The following MED13 variants were observed in gnomAD, a reference collection of about 807,000 sequenced individuals.
The protein encoded by MED13 is mediator complex subunit 13.
MED13 carries 23 observed loss-of-function variants against 225.2 expected under a neutral mutation model. That is an observed-to-expected ratio of 0.10 (90% CI 0.07 to 0.14). The LOEUF (loss-of-function observed/expected upper bound fraction) is 0.14. Among genes scored for constraint, MED13 ranks in the 10% least tolerant of loss-of-function variants. MED13 has a pLI of 1.00. For synonymous variants in MED13, 942 were observed against 889.2 expected, an observed-to-expected ratio of 1.06 and a Z score of -1.06; for missense variants, 2,197 against 2,594.5, an observed-to-expected ratio of 0.85 and a Z score of 3.33.
intron 3 of MED13, among the ~76,000 whole-genome samples, chr17:62,042,109 T>C (rs2080857562): frequency 6.6e-6 from 1 of 152,188 alleles, no homozygotes; most frequent in Admixed American, 6.5e-5. Flanking sequence ...AACTTTTAAA[T>C]TTTTAAATTT....
At chr17:61,975,608 A>C (rs576580701) in intron 16 of MED13, among the ~76,000 whole-genome samples, 4 of 152,262 alleles carry the variant, frequency 2.6e-5, no homozygotes, top group Admixed American at 1.3e-4. Flanking sequence ...AATCCCAGCT[A>C]TCAGGGAGGC....
At chr17:62,047,874 G>A (rs2080912325) in intron 3 of MED13, among the ~76,000 whole-genome samples, 1 of 151,666 alleles carries the variant, frequency 6.6e-6, no homozygotes, top group Non-Finnish European at 1.5e-5. Context: ...ACAGGTGTGA[G>A]CCTATATTTT....
chr17:61,971,026 A>G (rs1277989966), intron 17 of MED13, among the ~76,000 whole-genome samples: 1 of 151,894 alleles, frequency 6.6e-6, no homozygotes, highest in Non-Finnish European at 1.5e-5. Context: ...CTCAAAAATA[A>G]TAATAATAAA....
chr17:62,056,134 G>A (rs2080994823), intron 2 of MED13, among the ~76,000 whole-genome samples: 1 of 152,130 alleles, frequency 6.6e-6, no homozygotes, highest in Non-Finnish European at 1.5e-5. Context: ...TCCTAATAAC[G>A]CTCAATAAAG....
intron 17 of MED13, among the ~76,000 whole-genome samples, chr17:61,971,910 G>A (rs2080113333): frequency 1.3e-5 from 2 of 152,028 alleles, no homozygotes; most frequent in Admixed American, 1.3e-4. Flanking sequence ...CTCCAGCCTG[G>A]GCGACAAAGC....
intron 8 of MED13, among the ~76,000 whole-genome samples, chr17:62,012,724 C>T (rs116760266): frequency 6.6e-6 from 1 of 152,060 alleles, no homozygotes; most frequent in Non-Finnish European, 1.5e-5. Flanking sequence ...TGAATCAGAG[C>T]TATCCAGAAA....
At chr17:62,008,015 T>TAAAAAA (rs2080468431) in intron 9 of MED13, among the ~76,000 whole-genome samples, 7 of 44,248 alleles carry the variant, frequency 1.6e-4, no homozygotes, top group African/African-American at 1.5e-4. Context: ...CGAGACTGTC[T>TAAAAAA]CAAAAAAAAA....
chr17:62,055,080 G>T (rs1349378576), intron 2 of MED13, among the ~76,000 whole-genome samples: 2 of 152,222 alleles, frequency 1.3e-5, no homozygotes, highest in Non-Finnish European at 2.9e-5. Flanking sequence ...GAAGCCAGGT[G>T]TGGTGGCTCA....
At chr17:62,042,732 C>T (rs1212042769) in intron 3 of MED13, among the ~76,000 whole-genome samples, 3 of 152,018 alleles carry the variant, frequency 2.0e-5, no homozygotes, top group African/African-American at 4.8e-5. Context: ...GGAGACATAT[C>T]GGTCTATAGG....
intron 3 of MED13, among the ~76,000 whole-genome samples, chr17:62,041,885 C>T (rs9916776): frequency 0.021 from 3,134 of 152,230 alleles, 105 homozygotes; most frequent in African/African-American, 0.071. Flanking sequence ...GCCCAGCCTC[C>T]CCTAGCCATC....
At chr17:62,059,715 A>G (rs1203225105) in intron 2 of MED13, among the ~76,000 whole-genome samples, 1 of 152,230 alleles carries the variant, frequency 6.6e-6, no homozygotes, top group East Asian at 1.9e-4. Flanking sequence ...AATTACCCCA[A>G]GAGGGAGGTA....
chr17:61,973,931 C>T (rs138179763), intron 16 of MED13, among the ~76,000 whole-genome samples: 4 of 151,816 alleles, frequency 2.6e-5, no homozygotes, highest in Admixed American at 1.3e-4. Context: ...TGCAGTGAGC[C>T]GAGATCATGG....
At chr17:61,966,868 AATTC>A (rs996939648) in intron 18 of MED13, among the ~76,000 whole-genome samples, 7 of 152,168 alleles carry the variant, frequency 4.6e-5, no homozygotes, top group African/African-American at 1.4e-4. Flanking sequence ...TTACATTAGA[AATTC>A]ATTAATTTTT....
chr17:61,986,325 G>A (rs1166614591), intron 12 of MED13, among the ~76,000 whole-genome samples: 1 of 152,062 alleles, frequency 6.6e-6, no homozygotes, highest in African/African-American at 2.4e-5. Context: ...TATAGGAAAG[G>A]AAAGATCAAA....
intron 8 of MED13, among the ~76,000 whole-genome samples, chr17:62,023,216 T>C (rs2080666839): frequency 1.3e-5 from 2 of 152,110 alleles, no homozygotes; most frequent in Admixed American, 6.6e-5. Flanking sequence ...AGTTATGAAT[T>C]TTTTTTCTTC....
intron 8 of MED13, 31 bp downstream of exon 8, chr17:62,029,510 A>G (rs756541894): frequency 6.6e-7 from 1 of 1,511,014 alleles, no homozygotes; most frequent in Admixed American, 1.7e-5. Context: ...ACTATCACAC[A>G]TAGGCATCAA....
At chr17:62,015,096 G>C (rs950030757) in intron 8 of MED13, among the ~76,000 whole-genome samples, 1 of 152,094 alleles carries the variant, frequency 6.6e-6, no homozygotes, top group African/African-American at 2.4e-5. Context: ...TAAAAGGAGA[G>C]ATTTAGAAAA....
intron 18 of MED13, among the ~76,000 whole-genome samples, chr17:61,967,182 TAGAAG>T (rs2080066010): frequency 6.6e-6 from 1 of 152,172 alleles, no homozygotes; most frequent in South Asian, 2.1e-4. Flanking sequence ...TAAGCAAACT[TAGAAG>T]AGTTCTTTAC....
chr17:61,984,937 G>T, intron 13 of MED13, 63 bp downstream of exon 13: 1 of 1,592,736 alleles, frequency 6.3e-7, no homozygotes, highest in Admixed American at 1.7e-5. Flanking sequence ...CAAAAGGAGT[G>T]GGGAGCTTTG....
Sources: allele counts gnomAD v4.1 joint callset (sites outside exome capture counted in the v4.1 genomes callset), GRCh38; gene constraint gnomAD v4.1.1; transcripts MANE v1.5; gene names NCBI Gene and HGNC (gene_info 2026-07-23, HGNC 2026-07-21).